NOP2: variants seen among roughly 807,000 people sequenced by gnomAD.
NOP2 encodes NOP2 nucleolar protein.
A neutral mutation model predicts 72.7 loss-of-function variants in NOP2; 7 were observed. The ratio of observed to expected loss-of-function variants is 0.10; its 90% confidence interval spans 0.05 to 0.18. NOP2 has a LOEUF of 0.18. Among genes scored for constraint, NOP2 ranks in the 10% least tolerant of loss-of-function variants. The pLI, the probability that NOP2 is intolerant of heterozygous loss-of-function variation, is 1.00. For missense variants in NOP2, 954 were observed against 1,014.7 expected (o/e 0.94, Z 0.81); for synonymous variants, 387 against 388.0 (o/e 1.00, Z 0.03).
Position 6,566,335 on chromosome 12 carries a change from C to A in NOP2, c.240G>T (p.Gly80=). 1.9e-6 allele frequency: 3 copies of A among 1,612,062 alleles called. No individual in the cohort carries two copies. The highest frequency in any genetic ancestry group is 2.5e-6 in the Non-Finnish European group (3 of 1,178,968). ...AKPLPGKLPK[G]ISAGAVQTAG... ...CTGTCTGGACAGCTCCTGCAGAGATCCCTAAGGGTTTGAAGAGTCCTGGAC... is the reference window on the plus strand; with the variant it reads ...CTGTCTGGACAGCTCCTGCAGAGATACCTAAGGGTTTGAAGAGTCCTGGAC... The change falls in exon 5 of 16, where the codon GGG becomes GGT. Residue 80 remains glycine (G), a splice_region_variant and synonymous_variant. Transcript: ENST00000322166.
Position 6,566,552 on chromosome 12 carries a change from G to C in NOP2, c.215C>G (p.Pro72Arg). 6.2e-7 allele frequency: 1 copy of C among 1,613,942 alleles called. No individual in the cohort carries two copies. The highest frequency in any genetic ancestry group is 8.5e-7 in the Non-Finnish European group (1 of 1,179,860). Residue 72 changes from proline (P) to arginine (R), a missense_variant, in exon 4 of 16, where the codon CCA becomes CGA. Transcript: ENST00000322166. Reference protein sequence around the residue: ...PKTNKSPEAKPLPGKLPKGIS... With the variant: ...PKTNKSPEAKRLPGKLPKGIS... ...ACCTTTTGGTAGCTTTCCAGGCAAT[G>C]GTTTGGCCTCAGGAGACTTATTTGT...
At position 6,557,083 on chromosome 12, in the gene NOP2, G is replaced by A. The variant is rs1405337581; in HGVS notation, c.2349C>T (p.Pro783=). The A allele has an allele frequency of 6.2e-7, 1 of 1,613,968 alleles. No homozygotes were observed. Among genetic ancestry groups the A allele is most frequent in the Non-Finnish European group, 8.5e-7 (1 of 1,179,892 alleles). Residue 783 remains proline, a synonymous_variant, in exon 16 of 16, where the codon CCC becomes CCT. Coordinates refer to ENST00000322166, the MANE Select transcript of NOP2 (RefSeq NM_001258308.2). ...QNDTPKGPQP[P]TVSPIRSSRP... The stretch of plus-strand genomic sequence containing the variant: ...GGCTGGAACGGATGGGAGACACAGT[G>A]GGAGGCTGAGGCCCCTTGGGGGTAT...
At position 6,560,858 on chromosome 12, in the gene NOP2, T is replaced by C; in HGVS notation, c.1348-71A>G. On this transcript the variant is annotated intron_variant, in intron 12 of 15. Transcript: ENST00000322166. This position sits in a 1 kb window ranked among gnomAD's most constrained non-coding sequence, Gnocchi z 5.0. ...CAGGGCAATATTTACTAGGGTCGAGTCTAAACATTGAGGTCAGGAAGGGAG... is the reference window on the plus strand; with the variant it reads ...CAGGGCAATATTTACTAGGGTCGAGCCTAAACATTGAGGTCAGGAAGGGAG... 1.9e-6 allele frequency: 3 copies of C among 1,609,550 alleles called. No homozygotes were observed. The highest frequency in any genetic ancestry group is 1.1e-5 in the South Asian group (1 of 90,512).
At position 6,566,800 on chromosome 12, in the gene NOP2, C is replaced by G. The variant is rs765655556; in HGVS notation, c.126G>C (p.Arg42Ser). Residue 42 changes from arginine (R) to serine (S), a missense_variant, in exon 3 of 16, where the codon AGG becomes AGC. Around this residue, in one of 3 missense-constraint regions of NOP2, gnomAD observed 498 missense variants for 478.3 expected, o/e 1.04. Transcript: ENST00000322166. ...LPAVSDENSK[R>S]LSSRARKRAA... Reference sequence around the variant, plus strand: ...ACCTCTTTCGAGCACGACTAGACAGCCTCTTGGAATTTTCGTCACTTACTG... The same window carrying G: ...ACCTCTTTCGAGCACGACTAGACAGGCTCTTGGAATTTTCGTCACTTACTG... 1.2e-6 allele frequency: 2 copies of G among 1,613,114 alleles called. No individual in the cohort carries two copies. The highest frequency in any genetic ancestry group is 4.5e-5 in the East Asian group (2 of 44,868).
chr12:6,562,962 C>G (rs750810828), intron 9 of NOP2, 119 bp downstream of exon 9: 45 of 1,006,272 alleles, frequency 4.5e-5, no homozygotes, highest in Non-Finnish European at 6.4e-5. Flanking sequence ...GGTTTGCCCC[C>G]CCAGGATCAT....
At position 6,560,889 on chromosome 12, in the gene NOP2, C is replaced by A; in HGVS notation, c.1347+42G>T. ...CATTGAGGTCAGGAAGGGAGAAGGT[C>A]AACCGGAAGAAGCCTCAGAAGACAC... On this transcript the variant is annotated intron_variant, in intron 12 of 15. Transcript: ENST00000322166. This position sits in a 1 kb window ranked among gnomAD's most constrained non-coding sequence, Gnocchi z 5.0. 1 of 1,612,616 alleles carries A rather than the reference C, an allele frequency of 6.2e-7. No homozygotes were observed. The highest frequency in any genetic ancestry group is 8.5e-7 in the Non-Finnish European group (1 of 1,179,048).
chr12:6,561,563 T>C (rs767542069), intron 11 of NOP2, 101 bp downstream of exon 11: 51 of 1,472,170 alleles, frequency 3.5e-5, no homozygotes, highest in Non-Finnish European at 4.6e-5. Flanking sequence ...TACCTGCACA[T>C]TGTGTTCCAT....
rs1947601608 is a variant in NOP2, at chr12:6,560,003, A to T, written c.1789+95T>A. 1.1e-6 allele frequency: 1 copy of T among 906,346 alleles called. No individual in the cohort carries two copies. The highest frequency in any genetic ancestry group is 1.7e-6 in the Non-Finnish European group (1 of 579,780). The allele number at this position is 906,346 out of a possible 1,614,324, so 56.1% of individuals were successfully genotyped here. A position where few individuals can be genotyped will look rare whatever the true frequency, so the allele number is the denominator to read the frequency against. ...CAAAGGCTGGAGTAAGGGATGCATGAATCTTTCCTTTCCCTTCCTCTTGTC... is the reference window on the plus strand; with the variant it reads ...CAAAGGCTGGAGTAAGGGATGCATGTATCTTTCCTTTCCCTTCCTCTTGTC... On this transcript the variant is annotated intron_variant, in intron 15 of 15. Transcript: ENST00000322166. This position sits in a 1 kb window ranked among gnomAD's most constrained non-coding sequence, Gnocchi z 5.0.
Position 6,557,067 on chromosome 12 carries a change from G to T in NOP2, c.2365C>A (p.Arg789Ser). ...GPQPPTVSPI[R>S]SSRPPPAKRK... is the part of the protein sequence containing the mutation. ...TTTGCTGGTGGGGGGCGGCTGGAAC[G>T]GATGGGAGACACAGTGGGAGGCTGA... is the stretch of plus-strand genomic sequence containing the variant. The change falls in exon 16 of 16, where the codon CGT (arginine) becomes AGT (serine). Residue 789 changes from arginine (R) to serine (S), a missense_variant. Physicochemically the swap from Arg to Ser is moderately radical, Grantham distance 110. This residue lies in a region of NOP2 where 269 missense variants were observed against 260.2 expected (regional missense o/e 1.03). Transcript: ENST00000322166. 1 of 1,613,956 alleles carries T rather than the reference G, an allele frequency of 6.2e-7. No homozygotes were observed. Among genetic ancestry groups the T allele is most frequent in the Non-Finnish European group, 8.5e-7 (1 of 1,179,888 alleles).
rs78867126 is a variant in NOP2, at chr12:6,567,431, C to T, written c.103+385G>A. ...ATGAAGCAGCCAGATCCGTGCTTTT[C>T]CATTTCCACCCCTTCCAAAAGGCAA... On this transcript the variant is annotated intron_variant, in intron 2 of 15. Transcript: ENST00000322166. 3.2e-3 allele frequency: 700 copies of T among 215,868 alleles called. 4 individuals carry two copies. The highest frequency in any genetic ancestry group is 0.016 in the African/African-American group (675 of 42,358). The allele number at this position is 215,868 out of a possible 1,614,324, so 13.4% of individuals were successfully genotyped here.
chr12:6,568,025 C>A (rs1360519361), intron 1 of NOP2, 103 bp from the exon 2 acceptor site: 2 of 807,084 alleles, frequency 2.5e-6, no homozygotes, highest in Non-Finnish European at 4.0e-6. Context: ...AGCCTCAACT[C>A]AGCACCCGCA....
In NOP2 at chr12:6,563,398, G is replaced by A. The variant is rs369829074; in HGVS notation, c.805C>T (p.Arg269Trp). The change falls in exon 8 of 16, where the codon CGG (arginine) becomes TGG (tryptophan). Residue 269 changes from arginine to tryptophan, a missense_variant. This residue lies in a region of NOP2 where 498 missense variants were observed against 478.3 expected (regional missense o/e 1.04). Coordinates refer to ENST00000322166, the MANE Select transcript of NOP2 (RefSeq NM_001258308.2). ...TAAATGGCCAGATCCTTCTTGAGCCGGTTCAGGTATTCAGAACGAGACCGC... is the reference window on the plus strand; with the variant it reads ...TAAATGGCCAGATCCTTCTTGAGCCAGTTCAGGTATTCAGAACGAGACCGC... ...EGRSRSEYLN[R>W]LKKDLAIYYS... 2.2e-5 allele frequency: 36 copies of A among 1,606,178 alleles called. No individual in the cohort carries two copies. The highest frequency in any genetic ancestry group is 2.9e-5 in the Non-Finnish European group (34 of 1,176,420).
In NOP2 at chr12:6,561,214, T is replaced by C. The variant is rs940535342; in HGVS notation, c.1208-144A>G. The C allele has an allele frequency of 3.2e-6, 3 of 949,478 alleles. No homozygotes were observed. In the African/African-American group the frequency reaches 4.9e-5, roughly 16 times the overall value. 58.8% of individuals were successfully genotyped at this position (949,478 alleles called of 1,614,324 possible). Reference sequence around the variant, plus strand: ...CAACAAGCCTGCCTACTGTATAGGCTGATCCACTCTGCACTAGCCCCTGGT... The same window carrying C: ...CAACAAGCCTGCCTACTGTATAGGCCGATCCACTCTGCACTAGCCCCTGGT... On this transcript the variant is annotated intron_variant, in intron 11 of 15. Transcript: ENST00000322166.
intron 8 of NOP2, 51 bp downstream of exon 8, chr12:6,563,264 G>T: frequency 6.4e-7 from 1 of 1,551,718 alleles, no homozygotes; most frequent in Non-Finnish European, 8.7e-7. Flanking sequence ...CTTACACAGC[G>T]TAAGGAGGCG....
Position 6,563,178 on chromosome 12 carries a change from G to A in NOP2, c.889-8C>T, listed in dbSNP as rs373753026. ...TTCTAAGAACTCCACCAGCTGCGGGGCAAGACAGCAGGGAATAAGTGAGGC... is the reference window on the plus strand; with the variant it reads ...TTCTAAGAACTCCACCAGCTGCGGGACAAGACAGCAGGGAATAAGTGAGGC... On this transcript the variant is annotated splice_polypyrimidine_tract_variant and splice_region_variant and intron_variant, in intron 8 of 15. Transcript: ENST00000322166. 2.2e-5 allele frequency: 34 copies of A among 1,579,508 alleles called. No individual in the cohort carries two copies. In the East Asian group the frequency reaches 4.2e-4, roughly 19 times the overall value.
intron 15 of NOP2, among the ~76,000 whole-genome samples, chr12:6,559,706 A>G (rs1047766472): frequency 2.0e-5 from 3 of 152,182 alleles, no homozygotes; most frequent in African/African-American, 7.2e-5. Context: ...GGCTCAGAGA[A>G]CTGCTGACAA....
chr12:6,564,739 T>G (rs1358529774), intron 5 of NOP2, among the ~76,000 whole-genome samples: 1 of 98,924 alleles, frequency 1.0e-5, no homozygotes, highest in Non-Finnish European at 2.3e-5. Flanking sequence ...CATTTTGTCG[T>G]TTTTTTTTTT....
In NOP2 at chr12:6,560,911, A is replaced by G. The variant is rs1947630473; in HGVS notation, c.1347+20T>C. ...GGTCAACCGGAAGAAGCCTCAGAAGACACACAGCTCGAGTCTCACCTTGGG... is the reference window on the plus strand; with the variant it reads ...GGTCAACCGGAAGAAGCCTCAGAAGGCACACAGCTCGAGTCTCACCTTGGG... On this transcript the variant is annotated intron_variant, in intron 12 of 15. Transcript: ENST00000322166. The surrounding 1 kb of genome is among the most constrained non-coding windows in gnomAD (Gnocchi z 5.0). 6.2e-7 allele frequency: 1 copy of G among 1,613,658 alleles called. No individual in the cohort carries two copies. Among genetic ancestry groups the G allele is most frequent in the Admixed American group, 1.7e-5 (1 of 59,978 alleles).
In NOP2 at chr12:6,560,011, CT is replaced by C; in HGVS notation, c.1789+86del. On this transcript the variant is annotated intron_variant, in intron 15 of 15. Coordinates refer to ENST00000322166, the MANE Select transcript of NOP2 (RefSeq NM_001258308.2). This position sits in a 1 kb window ranked among gnomAD's most constrained non-coding sequence, Gnocchi z 5.0. ...GGAGTAAGGGATGCATGAATCTTTC[CT>C]TTCCCTTCCTCTTGTCACACCATAA... is the stretch of plus-strand genomic sequence containing the variant. 1.0e-6 allele frequency: 1 copy of C among 979,312 alleles called. No individual in the cohort carries two copies. The highest frequency in any genetic ancestry group is 1.6e-6 in the Non-Finnish European group (1 of 638,172). 60.7% of individuals were successfully genotyped at this position (979,312 alleles called of 1,614,324 possible).
Sources: allele counts gnomAD v4.1 joint callset (sites outside exome capture counted in the v4.1 genomes callset), GRCh38; gene constraint gnomAD v4.1.1; regional missense constraint gnomAD v4.1.1; non-coding constraint Gnocchi (gnomAD v3.1); transcripts MANE v1.5; gene names NCBI Gene and HGNC (gene_info 2026-07-23, HGNC 2026-07-21).